WDR41: variants seen among roughly 807,000 people sequenced by gnomAD.
WDR41 encodes WD repeat domain 41, also known as WD repeat-containing protein 41.
In WDR41, 63 loss-of-function variants were observed where a neutral mutation model predicts 69.3. The ratio of observed to expected loss-of-function variants is 0.91; its 90% CI spans 0.74 to 1.12. The LOEUF (loss-of-function observed/expected upper bound fraction) is 1.12, where lower values mean the gene tolerates loss of function less well. Among genes scored for constraint, WDR41 ranks in the 50% most tolerant of loss-of-function variants. The pLI is 0.00. For missense variants in WDR41, 543 were observed against 534.5 expected (o/e 1.02, Z -0.16); for synonymous variants, 185 against 192.1 (o/e 0.96, Z 0.31).
chr5:77,443,899 TTGA>T (rs1799273273), intron 8 of WDR41, among the ~76,000 whole-genome samples: 1 of 105,092 alleles, frequency 9.5e-6, no homozygotes, highest in Admixed American at 1.1e-4. Flanking sequence ...TTTTTTTTTT[TTGA>T]AATGAAGTCT....
intron 2 of WDR41, among the ~76,000 whole-genome samples, chr5:77,478,229 C>T (rs942227014): frequency 2.0e-5 from 3 of 152,210 alleles, no homozygotes; most frequent in East Asian, 1.9e-4. Flanking sequence ...GATTCACAGC[C>T]GAATTCTACC....
intron 1 of WDR41, among the ~76,000 whole-genome samples, chr5:77,615,278 T>C (rs1249237401): frequency 6.6e-6 from 1 of 152,228 alleles, no homozygotes; most frequent in East Asian, 1.9e-4. Context: ...AATTTGGTTA[T>C]GGATTAAATA....
chr5:77,537,911 T>C (rs1211437513), intron 1 of WDR41, among the ~76,000 whole-genome samples: 2 of 152,146 alleles, frequency 1.3e-5, no homozygotes, highest in African/African-American at 2.4e-5. Context: ...AAAATATATA[T>C]GGGACTAGGA....
chr5:77,557,207 A>G (rs950126100), intron 1 of WDR41, among the ~76,000 whole-genome samples: 5 of 152,216 alleles, frequency 3.3e-5, no homozygotes, highest in Admixed American at 6.5e-5. Context: ...TACTAACCAT[A>G]AAGAAAAAGT....
chr5:77,496,774 T>C (rs1283562900), upstream of WDR41, among the ~76,000 whole-genome samples: 2 of 152,096 alleles, frequency 1.3e-5, no homozygotes, highest in African/African-American at 4.8e-5. Context: ...CAAATTTATA[T>C]GGAATTGCAA....
chr5:77,454,389 C>G (rs1799748095), intron 5 of WDR41, among the ~76,000 whole-genome samples: 1 of 152,204 alleles, frequency 6.6e-6, no homozygotes, highest in Non-Finnish European at 1.5e-5. Flanking sequence ...AAGATGCTCT[C>G]TAGTCCTAAT....
At chr5:77,577,966 T>C (rs1399650901) in intron 1 of WDR41, among the ~76,000 whole-genome samples, 1 of 152,218 alleles carries the variant, frequency 6.6e-6, no homozygotes, top group African/African-American at 2.4e-5. Context: ...TATTTTATAA[T>C]AAAGTGTTGA....
At chr5:77,574,459 TAA>T (rs1183709821) in intron 1 of WDR41, among the ~76,000 whole-genome samples, 1 of 152,178 alleles carries the variant, frequency 6.6e-6, no homozygotes, top group East Asian at 1.9e-4. Flanking sequence ...TCAGACATTA[TAA>T]GTGTTCTGTG....
intron 1 of WDR41, among the ~76,000 whole-genome samples, chr5:77,573,448 T>G (rs1369144310): frequency 6.6e-6 from 1 of 151,338 alleles, no homozygotes; most frequent in Non-Finnish European, 1.5e-5. Context: ...GAATTAGAGG[T>G]TTTTCAACTT....
At chr5:77,494,358 A>C (rs1801908290), upstream of WDR41, among the ~76,000 whole-genome samples, 1 of 150,638 alleles carries the variant, frequency 6.6e-6, no homozygotes. Flanking sequence ...TGTCCAAAGA[A>C]AAGGCAGATT....
At chr5:77,594,296 A>C (rs548728726) in intron 1 of WDR41, among the ~76,000 whole-genome samples, 1 of 151,272 alleles carries the variant, frequency 6.6e-6, no homozygotes, top group South Asian at 2.1e-4. Flanking sequence ...GGATAGCATT[A>C]GGAGATATAC....
chr5:77,545,627 T>C (rs931850497), intron 1 of WDR41: 1 of 391,900 alleles, frequency 2.6e-6, no homozygotes, highest in Non-Finnish European at 4.6e-6. Flanking sequence ...CTCTTCTCCC[T>C]GCCCATCAAG....
At chr5:77,558,117 C>CAA (rs1473327209) in intron 1 of WDR41, among the ~76,000 whole-genome samples, 1 of 122,318 alleles carries the variant, frequency 8.2e-6, no homozygotes, top group African/African-American at 3.0e-5. Context: ...AAAAAAAAAA[C>CAA]AAAACAGGAG....
At chr5:77,484,098 T>C (rs954933525) in intron 2 of WDR41, among the ~76,000 whole-genome samples, 1 of 152,216 alleles carries the variant, frequency 6.6e-6, no homozygotes, top group Non-Finnish European at 1.5e-5. Flanking sequence ...TGAAATACTG[T>C]TAGACACTTG....
In WDR41 at chr5:77,431,667, T is replaced by C. The variant is rs531930798; in HGVS notation, c.*1468A>G. On this transcript the variant is annotated 3_prime_UTR_variant, in exon 13 of 13. Transcript: ENST00000296679. Reference sequence around the variant, plus strand: ...CACAAAATACTAGCCTAGAACAGGCTAGGAAGTAAAACAGTTAAGTCTATG... The same window carrying C: ...CACAAAATACTAGCCTAGAACAGGCCAGGAAGTAAAACAGTTAAGTCTATG... 2.0e-5 allele frequency: 3 copies of C among 152,306 alleles called. No homozygotes were observed. The highest frequency in any genetic ancestry group is 2.0e-4 in the Admixed American group (3 of 15,298). The allele number at this position is 152,306 out of a possible 1,614,324, so 9.4% of individuals were successfully genotyped here. A position where few individuals can be genotyped will look rare whatever the true frequency, so the allele number is the denominator to read the frequency against.
intron 2 of WDR41, among the ~76,000 whole-genome samples, chr5:77,473,367 T>A (rs1309511620): frequency 6.6e-6 from 1 of 152,052 alleles, no homozygotes; most frequent in Non-Finnish European, 1.5e-5. Flanking sequence ...GCAATACCAT[T>A]CAGGACATAG....
chr5:77,448,780 A>C (rs1304475164), intron 8 of WDR41, among the ~76,000 whole-genome samples: 1 of 152,126 alleles, frequency 6.6e-6, no homozygotes, highest in Non-Finnish European at 1.5e-5. Flanking sequence ...AGGCAGAAGA[A>C]TCGCTTGAAC....
intron 1 of WDR41, among the ~76,000 whole-genome samples, chr5:77,522,969 C>T (rs2112194084): frequency 6.6e-6 from 1 of 152,164 alleles, no homozygotes; most frequent in South Asian, 2.1e-4. Context: ...CTGTAAAAGT[C>T]ACCAAAGAAA....
chr5:77,563,032 A>G (rs909703007), intron 1 of WDR41, among the ~76,000 whole-genome samples: 4 of 152,134 alleles, frequency 2.6e-5, no homozygotes, highest in Non-Finnish European at 4.4e-5. Flanking sequence ...TAAATTCCTT[A>G]AGAGCAAGTA....
Sources: allele counts gnomAD v4.1 joint callset (sites outside exome capture counted in the v4.1 genomes callset), GRCh38; gene constraint gnomAD v4.1.1; transcripts MANE v1.5; gene names NCBI Gene and HGNC (gene_info 2026-07-23, HGNC 2026-07-21).